GALNT9: variants seen among roughly 807,000 people sequenced by gnomAD.
GALNT9 encodes polypeptide N-acetylgalactosaminyltransferase 9, also known as GalNAc transferase 9.
GALNT9 carries 47 observed loss-of-function variants against 63.1 expected under a neutral mutation model. That is an observed-to-expected ratio of 0.75 (90% CI 0.59 to 0.95). The LOEUF is 0.95. GALNT9 is among the 40% of genes least tolerant of loss of function. The pLI is 0.00. For synonymous variants in GALNT9, 396 were observed against 365.7 expected (o/e 1.08, Z -0.94); for missense variants, 829 against 874.8 (o/e 0.95, Z 0.66).
intron 4 of GALNT9, among the ~76,000 whole-genome samples, chr12:132,259,428 A>G (rs991037039): frequency 2.0e-5 from 3 of 152,228 alleles, no homozygotes; most frequent in Non-Finnish European, 4.4e-5. Flanking sequence ...CAATTCATGC[A>G]CAACACGTCA....
At chr12:132,291,286 T>C (rs1415186300) in intron 1 of GALNT9, among the ~76,000 whole-genome samples, 12 of 11,480 alleles carry the variant, frequency 1.0e-3, no homozygotes, top group African/African-American at 1.8e-3. Flanking sequence ...CACGTCCACA[T>C]CACCCACGTC....
intron 1 of GALNT9, among the ~76,000 whole-genome samples, chr12:132,287,059 G>GCCCCCCCCCCCCCC (rs57471643): frequency 1.2e-5 from 1 of 80,522 alleles, no homozygotes; most frequent in African/African-American, 4.1e-5. Flanking sequence ...CTGAGTGAGC[G>GCCCCCCCCCCCCCC]CCCCCCCCCC....
intron 1 of GALNT9, among the ~76,000 whole-genome samples, chr12:132,328,538 C>G (rs1869143431): frequency 6.6e-6 from 1 of 152,164 alleles, no homozygotes. Flanking sequence ...GTGTGGCGTC[C>G]CCACCCTCCT....
At chr12:132,254,734 C>T (rs28569193) in intron 5 of GALNT9, among the ~76,000 whole-genome samples, 143,176 of 152,324 alleles carry the variant, frequency 0.94, 67,490 homozygotes, top group Non-Finnish European at 0.97. Flanking sequence ...CATCTTCTTT[C>T]TCTTGAAATA....
intron 2 of GALNT9, among the ~76,000 whole-genome samples, chr12:132,263,945 T>C (rs1225470723): frequency 6.6e-6 from 1 of 152,200 alleles, no homozygotes; most frequent in Non-Finnish European, 1.5e-5. Context: ...CACATGCACC[T>C]GTGCTGAAGA....
At chr12:132,254,647 C>G (rs1282189911) in intron 5 of GALNT9, among the ~76,000 whole-genome samples, 2 of 152,226 alleles carry the variant, frequency 1.3e-5, no homozygotes, top group African/African-American at 2.4e-5. Flanking sequence ...GACAAACTTA[C>G]ACGAAGGTCA....
At chr12:132,291,661 CCGCCCACA>C (rs1566015352) in intron 1 of GALNT9, among the ~76,000 whole-genome samples, 1 of 143,830 alleles carries the variant, frequency 7.0e-6, no homozygotes, top group African/African-American at 2.5e-5. Context: ...CAGGTCCACA[CCGCCCACA>C]TCCACGGTGC....
intron 5 of GALNT9, among the ~76,000 whole-genome samples, chr12:132,254,672 A>G (rs1378482054): frequency 4.6e-5 from 7 of 152,254 alleles, no homozygotes; most frequent in African/African-American, 1.7e-4. Context: ...GGTAAAGTAC[A>G]AGAGAGAAGA....
rs1878966713 is a variant in GALNT9, at chr12:132,252,645, G to A, written c.960-4618C>T. On this transcript the variant is annotated intron_variant, in intron 5 of 10. Coordinates refer to ENST00000328957, the MANE Select transcript of GALNT9 (RefSeq NM_001122636.2). The surrounding 1 kb of genome is among the most constrained non-coding windows in gnomAD (Gnocchi z 5.2). The stretch of plus-strand genomic sequence containing the variant: ...TGTAATCCCAGCACTTTGGGAGGCC[G>A]AGGCAGGCGGATCACCTGAGGTCGG... Among the ~76,000 whole-genome samples, 2 of 152,266 alleles carry A rather than the reference G, an allele frequency of 1.3e-5. No homozygotes were observed. The highest frequency in any genetic ancestry group is 6.5e-5 in the Admixed American group (1 of 15,292).
chr12:132,262,421 C>T (rs782386465), intron 3 of GALNT9, 38 bp downstream of exon 3: 144 of 1,527,348 alleles, frequency 9.4e-5, no homozygotes, highest in South Asian at 2.0e-4. Flanking sequence ...CACAGGCAGC[C>T]GCCCGGCGAG....
chr12:132,321,839 C>T (rs1438726733), intron 1 of GALNT9, among the ~76,000 whole-genome samples: 2 of 152,246 alleles, frequency 1.3e-5, no homozygotes, highest in African/African-American at 2.4e-5. Flanking sequence ...CCTCACACAC[C>T]TGTCCCCTCA....
intron 1 of GALNT9, among the ~76,000 whole-genome samples, chr12:132,306,835 G>A (rs28524950): frequency 0.31 from 46,515 of 152,150 alleles, 7,166 homozygotes; most frequent in Middle Eastern, 0.4. Context: ...CCGCGTGCCC[G>A]TGGTCATTCT....
chr12:132,314,040 C>T (rs1360391950), intron 1 of GALNT9, among the ~76,000 whole-genome samples: 1 of 66,208 alleles, frequency 1.5e-5, no homozygotes, highest in Non-Finnish European at 3.5e-5. Flanking sequence ...CACTCACCCA[C>T]CCATCCACAC....
rs1391544753 is a variant in GALNT9, at chr12:132,296,883, TC to T, written c.239-10454del. ...ACTCTTCCTTCCATCAGGAGCCCAC[TC>T]CCACACAAACCAACTCACTCCCAAG... On this transcript the variant is annotated intron_variant, in intron 1 of 10. Coordinates refer to ENST00000328957, the MANE Select transcript of GALNT9 (RefSeq NM_001122636.2). The surrounding 1 kb of genome is among the most constrained non-coding windows in gnomAD (Gnocchi z 4.2). Among the ~76,000 whole-genome samples, 5 of 151,962 alleles carry T rather than the reference TC, an allele frequency of 3.3e-5. No individual in the cohort carries two copies. The South Asian group carries it at 8.3e-4, about 25-fold the overall frequency.
At chr12:132,215,169 C>T (rs552681283) in intron 6 of GALNT9, among the ~76,000 whole-genome samples, 3 of 152,182 alleles carry the variant, frequency 2.0e-5, no homozygotes, top group Non-Finnish European at 2.9e-5. Context: ...GTGGCCGCTT[C>T]GGCAGAACAG....
rs1183220194 is a variant in GALNT9, at chr12:132,247,987, C to T, written c.1000G>A (p.Glu334Lys). Residue 334 changes from glutamate (E) to lysine (K), a missense_variant, in exon 6 of 11, where the codon GAG becomes AAG. Coordinates refer to ENST00000328957, the MANE Select transcript of GALNT9 (RefSeq NM_001122636.2). ...MIGCSFVVDREYFGDIGLLDP... is the reference protein window; with the variant it reads ...MIGCSFVVDRKYFGDIGLLDP... ...AGCAGCCCAATGTCTCCGAAGTACT[C>T]GCGGTCCACTACGAAGGAGCAGCCG... 39 of 1,551,348 alleles carry T rather than the reference C, an allele frequency of 2.5e-5. No homozygotes were observed. Among genetic ancestry groups the T allele is most frequent in the Middle Eastern group, 3.3e-4 (2 of 6,014 alleles).
At chr12:132,267,853 TGC>T (rs1491166458) in intron 2 of GALNT9, among the ~76,000 whole-genome samples, 1 of 110,490 alleles carries the variant, frequency 9.1e-6, no homozygotes, top group Non-Finnish European at 1.8e-5. Context: ...ACAACCCACA[TGC>T]ACACACACAC....
intron 7 of GALNT9, among the ~76,000 whole-genome samples, chr12:132,203,108 GCTGC>G (rs1411411348): frequency 6.6e-6 from 1 of 152,166 alleles, no homozygotes; most frequent in African/African-American, 2.4e-5. Context: ...GACAGTTGAG[GCTGC>G]CCGGGGCTGG....
At chr12:132,294,763 C>G (rs573960918) in intron 1 of GALNT9, among the ~76,000 whole-genome samples, 5 of 97,878 alleles carry the variant, frequency 5.1e-5, no homozygotes, top group Non-Finnish European at 2.0e-5. Context: ...TTCCCAGTCA[C>G]GTTCCCTGGA....
Sources: allele counts gnomAD v4.1 joint callset (sites outside exome capture counted in the v4.1 genomes callset), GRCh38; gene constraint gnomAD v4.1.1; non-coding constraint Gnocchi (gnomAD v3.1); transcripts MANE v1.5; gene names NCBI Gene and HGNC (gene_info 2026-07-23, HGNC 2026-07-21).